The following TIMP2 variants were observed in gnomAD, a reference collection of about 807,000 sequenced individuals.
TIMP2 encodes metalloproteinase inhibitor 2.
In TIMP2, 5 loss-of-function variants were observed where a neutral mutation model predicts 24.3. That is an observed-to-expected ratio of 0.21 (90% CI 0.11 to 0.43). The LOEUF (loss-of-function observed/expected upper bound fraction) is 0.43. Ranked by LOEUF, TIMP2 falls within the 20% of genes least tolerant of loss-of-function variation. The pLI is 1.00. For missense variants in TIMP2, 221 were observed against 297.5 expected (o/e 0.74, Z 1.89); for synonymous variants, 130 against 123.2 (o/e 1.06, Z -0.37).
rs2070333286 is a variant in TIMP2, at chr17:78,924,441, G to A, written c.130+518C>T. Among the ~76,000 whole-genome samples the A allele has an allele frequency of 6.6e-6, 1 of 152,214 alleles. No homozygotes were observed. The highest frequency in any genetic ancestry group is 1.5e-5 in the Non-Finnish European group (1 of 68,028). On this transcript the variant is annotated intron_variant, in intron 1 of 4. Coordinates refer to ENST00000262768, the MANE Select transcript of TIMP2 (RefSeq NM_003255.5). This position sits in a 1 kb window ranked among gnomAD's most constrained non-coding sequence, Gnocchi z 5.3. ...GTGGAACCTGCCTCGGGTAGGGCGG[G>A]CTTCCATCCCACCCTGGCTTGATCG...
At chr17:78,861,035 C>A (rs202238175) in intron 3 of TIMP2, among the ~76,000 whole-genome samples, 76 of 141,754 alleles carry the variant, frequency 5.4e-4, no homozygotes, top group South Asian at 9.1e-4. Flanking sequence ...GACTCCGTCT[C>A]AAAAAAAAAA....
rs545107565 is a variant in TIMP2, at chr17:78,893,200, GAT to G, written c.131-19283_131-19282del. On this transcript the variant is annotated intron_variant, in intron 1 of 4. Transcript: ENST00000262768. ...ATGTGTGTGCAGGGGTGTGTGCAAG[GAT>G]GTGTGTGCATGTGTGTGCAGGGGTG... is the stretch of plus-strand genomic sequence containing the variant. Among the ~76,000 whole-genome samples, 402 of 131,962 alleles carry G rather than the reference GAT, an allele frequency of 3.0e-3. 3 individuals are homozygous for G. Among genetic ancestry groups the G allele is most frequent in the African/African-American group, 0.011 (383 of 33,906 alleles). 86.6% of individuals were successfully genotyped at this position (131,962 alleles called of 152,430 possible).
Position 78,896,856 on chromosome 17 carries a change from A to G in TIMP2, c.131-22937T>C, listed in dbSNP as rs115237873. ...GTGGCCCCAGCGCAGGAGCCAGCCC[A>G]TGGCAGCTCCACCCCAGACCGATCC... On this transcript the variant is annotated intron_variant, in intron 1 of 4. Coordinates refer to ENST00000262768, the MANE Select transcript of TIMP2 (RefSeq NM_003255.5). This position sits in a 1 kb window ranked among gnomAD's most constrained non-coding sequence, Gnocchi z 4.4. 3,116 of 906,414 alleles carry G rather than the reference A, an allele frequency of 3.4e-3. 62 individuals are homozygous for G. In the East Asian group the frequency reaches 0.05, roughly 15 times the overall value. 56.1% of individuals were successfully genotyped at this position (906,414 alleles called of 1,614,324 possible).
chr17:78,860,291 T>C (rs143791422), intron 3 of TIMP2, among the ~76,000 whole-genome samples: 184 of 152,358 alleles, frequency 1.2e-3, no homozygotes, highest in African/African-American at 3.9e-3. Flanking sequence ...CAGAGACTGA[T>C]GGGCAATTCC....
In TIMP2 at chr17:78,873,804, G is replaced by A. The variant is rs1300925890; in HGVS notation, c.231+15C>T. ...TGCCCACAGTGCAGCCCGGGATGCC[G>A]GCAGCCACTATTACCTTTATCTGCT... On this transcript the variant is annotated intron_variant, in intron 2 of 4. Coordinates refer to ENST00000262768, the MANE Select transcript of TIMP2 (RefSeq NM_003255.5). 7 of 1,606,156 alleles carry A rather than the reference G, an allele frequency of 4.4e-6. No individual in the cohort carries two copies. The highest frequency in any genetic ancestry group is 2.7e-5 in the African/African-American group (2 of 74,756).
At chr17:78,901,936 T>A in intron 1 of TIMP2, 1 of 608,784 alleles carries the variant, frequency 1.6e-6, no homozygotes, top group East Asian at 2.8e-5. Context: ...ACTGGAGGCA[T>A]CCGAACCAAG....
At chr17:78,910,654 CT>C (rs1468539758) in intron 1 of TIMP2, among the ~76,000 whole-genome samples, 1 of 152,176 alleles carries the variant, frequency 6.6e-6, no homozygotes, top group East Asian at 1.9e-4. Context: ...ATGAGATCAA[CT>C]TTTCTTTTTT....
chr17:78,893,390 T>C (rs1237077538), intron 1 of TIMP2, among the ~76,000 whole-genome samples: 4 of 133,486 alleles, frequency 3.0e-5, no homozygotes, highest in Non-Finnish European at 4.8e-5. Context: ...TGTGCAGGGG[T>C]GTGTATGCAG....
intron 4 of TIMP2, 152 bp from the exon 5 acceptor site, chr17:78,856,016 G>A (rs1363559033): frequency 2.7e-6 from 2 of 733,918 alleles, no homozygotes; most frequent in South Asian, 1.7e-5. Flanking sequence ...TCCTGCAGGG[G>A]CAGGCAGCTG....
Position 78,855,221 on chromosome 17 carries a change from T to A in TIMP2, c.*446A>T, listed in dbSNP as rs1427523854. 1.6e-5 allele frequency: 3 copies of A among 187,252 alleles called. No homozygotes were observed. Among genetic ancestry groups the A allele is most frequent in the African/African-American group, 6.9e-5 (3 of 43,222 alleles). The allele number at this position is 187,252 out of a possible 1,614,324, so 11.6% of individuals were successfully genotyped here. On this transcript the variant is annotated 3_prime_UTR_variant, in exon 5 of 5. Coordinates refer to ENST00000262768, the MANE Select transcript of TIMP2 (RefSeq NM_003255.5). The surrounding 1 kb of genome is among the most constrained non-coding windows in gnomAD (Gnocchi z 6.0). The stretch of plus-strand genomic sequence containing the variant: ...GAAGCTGCAGAAAACAAGGGCCATG[T>A]CCCTCTCAAGATGAAAGGGACCTGG...
chr17:78,861,850 C>T lies in TIMP2; in HGVS notation c.341-4204G>A, dbSNP rs113268760. ...ACTCCTGACTTCAAGTGATCCACTG[C>T]GCCCAGCCAAAAAATTGTATCTTTT... On this transcript the variant is annotated intron_variant, in intron 3 of 4. Transcript: ENST00000262768. Among the ~76,000 whole-genome samples the T allele has an allele frequency of 3.7e-3, 556 of 152,026 alleles. 3 individuals carry two copies. Among genetic ancestry groups the T allele is most frequent in the African/African-American group, 0.013 (531 of 41,488 alleles).
At position 78,855,316 on chromosome 17, in the gene TIMP2, CT is replaced by C. The variant is rs1449196815; in HGVS notation, c.*350del. ...AAAATGCACATTTCCAGGCCCTGCC[CT>C]AACCCAGCTGGGAGATCCCTAAGTG... On this transcript the variant is annotated 3_prime_UTR_variant, in exon 5 of 5. Coordinates refer to ENST00000262768, the MANE Select transcript of TIMP2 (RefSeq NM_003255.5). The surrounding 1 kb of genome is among the most constrained non-coding windows in gnomAD (Gnocchi z 6.0). The C allele has an allele frequency of 2.8e-6, 1 of 361,770 alleles. No homozygotes were observed. The highest frequency in any genetic ancestry group is 2.1e-5 in the African/African-American group (1 of 48,488). The allele number at this position is 361,770 out of a possible 1,614,324, so 22.4% of individuals were successfully genotyped here.
rs773186542 is a variant in TIMP2, at chr17:78,891,848, G to A, written c.131-17929C>T. The A allele has an allele frequency of 1.0e-5, 16 of 1,550,566 alleles. No individual in the cohort carries two copies. Among genetic ancestry groups the A allele is most frequent in the South Asian group, 4.8e-5 (4 of 84,068 alleles). On this transcript the variant is annotated intron_variant, in intron 1 of 4. Coordinates refer to ENST00000262768, the MANE Select transcript of TIMP2 (RefSeq NM_003255.5). The surrounding 1 kb of genome is among the most constrained non-coding windows in gnomAD (Gnocchi z 4.5). ...TGGCCTTCCCTTTCTCTTCTCAGGC[G>A]GGGCCAGGTGAGAATTCATCCGACC...
chr17:78,913,093 TACA>T (rs1430167084), intron 1 of TIMP2, among the ~76,000 whole-genome samples: 2 of 152,124 alleles, frequency 1.3e-5, no homozygotes, highest in Admixed American at 6.5e-5. Flanking sequence ...AAAAAATATT[TACA>T]ACAACAGGCC....
chr17:78,915,050 C>A (rs2070244873), intron 1 of TIMP2, among the ~76,000 whole-genome samples: 1 of 151,764 alleles, frequency 6.6e-6, no homozygotes, highest in Non-Finnish European at 1.5e-5. Flanking sequence ...GTGCCCGCCA[C>A]CACGCCCAGC....
chr17:78,912,918 C>T (rs537537708), intron 1 of TIMP2, among the ~76,000 whole-genome samples: 1 of 152,234 alleles, frequency 6.6e-6, no homozygotes, highest in East Asian at 1.9e-4. Context: ...ACTTTATTTG[C>T]ACTAGGCCAG....
chr17:78,892,213 C>T (rs752729610), intron 1 of TIMP2: 64 of 1,550,912 alleles, frequency 4.1e-5, no homozygotes, highest in East Asian at 7.3e-5. Context: ...GCTTGGCATC[C>T]GCTCTTCTCT....
chr17:78,890,458 G>A (rs562183637), intron 1 of TIMP2: 5 of 657,374 alleles, frequency 7.6e-6, no homozygotes, highest in Admixed American at 3.4e-5. Context: ...GGCCGACCTC[G>A]GCCTCCCAAA....
chr17:78,876,686 T>A (rs1215866958), intron 1 of TIMP2, among the ~76,000 whole-genome samples: 1 of 151,642 alleles, frequency 6.6e-6, no homozygotes, highest in Non-Finnish European at 1.5e-5. Flanking sequence ...CAGGCTAATT[T>A]TTTTTTTTTT....
Sources: allele counts gnomAD v4.1 joint callset (sites outside exome capture counted in the v4.1 genomes callset), GRCh38; gene constraint gnomAD v4.1.1; non-coding constraint Gnocchi (gnomAD v3.1); transcripts MANE v1.5; gene names NCBI Gene and HGNC (gene_info 2026-07-23, HGNC 2026-07-21).